The following PFKFB4 variants were observed in gnomAD, a reference collection of about 807,000 sequenced individuals.
PFKFB4 encodes 6-phosphofructo-2-kinase/fructose-2,6-biphosphatase 4, also known as 6-phosphofructo-2-kinase/fructose-2,6-bisphosphatase 4.
A neutral mutation model predicts 62.8 loss-of-function variants in PFKFB4; 42 were observed. The ratio of observed to expected loss-of-function variants is 0.67; its 90% CI spans 0.52 to 0.86. PFKFB4 has a LOEUF of 0.86. Ranked by LOEUF, PFKFB4 falls within the 40% of genes least tolerant of loss-of-function variation. The pLI is 0.00. For missense variants in PFKFB4, 475 were observed against 627.2 expected (o/e 0.76, Z 2.59); for synonymous variants, 204 against 240.7 (o/e 0.85, Z 1.41).
At position 48,535,433 on chromosome 3, in the gene PFKFB4, A is replaced by G. The variant is rs1378804563; in HGVS notation, c.987+79T>C. 6.3e-6 allele frequency: 8 copies of G among 1,268,890 alleles called. No individual in the cohort carries two copies. In the African/African-American group the frequency reaches 8.8e-5, roughly 14 times the overall value. 78.6% of individuals were successfully genotyped at this position (1,268,890 alleles called of 1,614,324 possible). A position where few individuals can be genotyped will look rare whatever the true frequency, so the allele number is the denominator to read the frequency against. ...TCCTCTCCTTTGCCCAAGGGGAGCA[A>G]TGGTCACTGTTGTTACAATATGATG... On this transcript the variant is annotated intron_variant, in intron 9 of 13. Transcript: ENST00000232375.
chr3:48,537,852 G>A (rs2042673874), intron 7 of PFKFB4, among the ~76,000 whole-genome samples: 1 of 152,082 alleles, frequency 6.6e-6, no homozygotes, highest in African/African-American at 2.4e-5. Context: ...TAGAATTACA[G>A]AACCTAAGCA....
At chr3:48,522,293 C>T (rs1176456616) in intron 12 of PFKFB4, among the ~76,000 whole-genome samples, 1 of 152,186 alleles carries the variant, frequency 6.6e-6, no homozygotes, top group Non-Finnish European at 1.5e-5. Flanking sequence ...CCAGGCTCCC[C>T]AACCCCAGGA....
At chr3:48,520,113 A>G (rs1273229580) in intron 13 of PFKFB4, among the ~76,000 whole-genome samples, 1 of 152,180 alleles carries the variant, frequency 6.6e-6, no homozygotes, top group Non-Finnish European at 1.5e-5. Flanking sequence ...GGCTGAGTCA[A>G]TTGAGGAGGA....
intron 10 of PFKFB4, among the ~76,000 whole-genome samples, chr3:48,524,580 G>GT (rs1395648339): frequency 6.6e-6 from 1 of 152,236 alleles, no homozygotes; most frequent in African/African-American, 2.4e-5. Flanking sequence ...GTATTCTCAT[G>GT]TTTGAGCAGC....
intron 9 of PFKFB4, among the ~76,000 whole-genome samples, chr3:48,528,565 A>G (rs770620733): frequency 2.1e-4 from 32 of 152,150 alleles, no homozygotes; most frequent in Non-Finnish European, 3.8e-4. Context: ...TGGGAGACAG[A>G]GGTGGGAGGA....
Position 48,536,341 on chromosome 3 carries a change from A to G in PFKFB4, c.755T>C (p.Ile252Thr). ...GCTCTCCCCGTGCCGGCAGAGGTAG[A>G]TGGAGCGGGGGGTCACGTGGATGTT... ...LMNIHVTPRS[I>T]YLCRHGESEL... Residue 252 changes from isoleucine to threonine, a missense_variant, in exon 8 of 14, where the codon ATC becomes ACC. Physicochemically the swap from Ile to Thr is moderately conservative, Grantham distance 89. Coordinates refer to ENST00000232375, the MANE Select transcript of PFKFB4 (RefSeq NM_004567.4). 1 of 1,614,186 alleles carries G rather than the reference A, an allele frequency of 6.2e-7. No individual in the cohort carries two copies. The highest frequency in any genetic ancestry group is 8.5e-7 in the Non-Finnish European group (1 of 1,180,034).
rs1366917900 is a variant in PFKFB4 at position 48,556,660 on chromosome 3, T to C, written c.97+21A>G. 1.3e-5 allele frequency: 15 copies of C among 1,197,504 alleles called. No homozygotes were observed. The highest frequency in any genetic ancestry group is 1.7e-5 in the Non-Finnish European group (15 of 885,020). 74.2% of individuals were successfully genotyped at this position (1,197,504 alleles called of 1,614,324 possible). A position where few individuals can be genotyped will look rare whatever the true frequency, so the allele number is the denominator to read the frequency against. On this transcript the variant is annotated intron_variant, in intron 1 of 13. Transcript: ENST00000232375. This position sits in a 1 kb window ranked among gnomAD's most constrained non-coding sequence, Gnocchi z 5.7. ...CCATCCCGGTGCACCTCCCACCTCC[T>C]CCCAGAGGACCCCGCCTCACCACCG...
intron 5 of PFKFB4, 145 bp downstream of exon 5, chr3:48,539,552 T>G (rs1275494740): frequency 1.3e-6 from 1 of 775,260 alleles, no homozygotes. Context: ...AAACCCCAAG[T>G]GGAGACAGCC....
chr3:48,559,336 A>G (rs1465138211), upstream of PFKFB4, among the ~76,000 whole-genome samples: 2 of 152,164 alleles, frequency 1.3e-5, no homozygotes, highest in African/African-American at 2.4e-5. Flanking sequence ...GATATTCTCC[A>G]TCTCCCCTCC....
Position 48,556,534 on chromosome 3 carries a change from C to T in PFKFB4, c.97+147G>A. The T allele has an allele frequency of 1.0e-6, 1 of 958,920 alleles. No individual in the cohort carries two copies. The highest frequency in any genetic ancestry group is 1.5e-6 in the Non-Finnish European group (1 of 657,174). 59.4% of individuals were successfully genotyped at this position (958,920 alleles called of 1,614,324 possible). On this transcript the variant is annotated intron_variant, in intron 1 of 13. Transcript: ENST00000232375. The surrounding 1 kb of genome is among the most constrained non-coding windows in gnomAD (Gnocchi z 5.7). ...CTGTCACGACCGCCTCACCTGTCCCCAGCAGCCTCCCCAGTCACGGCAACC... is the reference window on the plus strand; with the variant it reads ...CTGTCACGACCGCCTCACCTGTCCCTAGCAGCCTCCCCAGTCACGGCAACC...
In PFKFB4 at chr3:48,526,653, C is replaced by T. The variant is rs116050809; in HGVS notation, c.988-984G>A. Among the ~76,000 whole-genome samples, 205 of 151,224 alleles carry T rather than the reference C, an allele frequency of 1.4e-3. 3 individuals are homozygous for T. Among genetic ancestry groups the T allele is most frequent in the African/African-American group, 4.9e-3 (201 of 41,212 alleles). On this transcript the variant is annotated intron_variant, in intron 9 of 13. Transcript: ENST00000232375. ...GTCATTGGTGTCCTTTTAAGAACGCCATGTAGGCCGGGCACAGTGGCTCAT... is the reference window on the plus strand; with the variant it reads ...GTCATTGGTGTCCTTTTAAGAACGCTATGTAGGCCGGGCACAGTGGCTCAT...
intron 9 of PFKFB4, among the ~76,000 whole-genome samples, chr3:48,526,330 T>C (rs543445733): frequency 1.3e-5 from 2 of 152,230 alleles, no homozygotes; most frequent in African/African-American, 4.8e-5. Context: ...CCCAGCACTT[T>C]GGGAGGCTGA....
chr3:48,526,341 G>A (rs2042258376), intron 9 of PFKFB4, among the ~76,000 whole-genome samples: 1 of 152,138 alleles, frequency 6.6e-6, no homozygotes, highest in African/African-American at 2.4e-5. Flanking sequence ...GGGAGGCTGA[G>A]GCAGGTGGAT....
intron 9 of PFKFB4, among the ~76,000 whole-genome samples, chr3:48,528,383 C>T (rs1464187617): frequency 1.3e-5 from 2 of 152,188 alleles, no homozygotes; most frequent in Non-Finnish European, 1.5e-5. Context: ...AAACTTATGC[C>T]GGATGCGGTG....
intron 9 of PFKFB4, 131 bp from the exon 10 acceptor site, chr3:48,525,800 C>T (rs2042239041): frequency 4.1e-6 from 2 of 489,290 alleles, no homozygotes; most frequent in Non-Finnish European, 7.4e-6. Flanking sequence ...GGAACAGAAA[C>T]CTGTCTAAGG....
At chr3:48,524,323 AT>A (rs1246079041) in intron 10 of PFKFB4, among the ~76,000 whole-genome samples, 2 of 152,176 alleles carry the variant, frequency 1.3e-5, no homozygotes, top group Non-Finnish European at 2.9e-5. Context: ...GCCTGCCGTG[AT>A]GTACGGTTTA....
chr3:48,527,684 C>CCTTTTT (rs1491452453), intron 9 of PFKFB4, among the ~76,000 whole-genome samples: 1 of 121,222 alleles, frequency 8.2e-6, no homozygotes, highest in African/African-American at 3.1e-5. Context: ...CGTCCATCAT[C>CCTTTTT]TTTTTTTTTT....
chr3:48,527,953 T>C (rs1014124343), intron 9 of PFKFB4, among the ~76,000 whole-genome samples: 4 of 152,002 alleles, frequency 2.6e-5, no homozygotes, highest in Non-Finnish European at 4.4e-5. Context: ...CCTCCCAAAG[T>C]GCTGGGATTA....
intron 9 of PFKFB4, among the ~76,000 whole-genome samples, chr3:48,534,940 G>A (rs2042544940): frequency 6.6e-6 from 1 of 151,768 alleles, no homozygotes; most frequent in Non-Finnish European, 1.5e-5. Flanking sequence ...TCCCGAGTAC[G>A]TGGGATTACA....
Sources: allele counts gnomAD v4.1 joint callset (sites outside exome capture counted in the v4.1 genomes callset), GRCh38; gene constraint gnomAD v4.1.1; non-coding constraint Gnocchi (gnomAD v3.1); transcripts MANE v1.5; gene names NCBI Gene and HGNC (gene_info 2026-07-23, HGNC 2026-07-21).